Variants in MTUS1 observed in about 807,000 individuals in gnomAD.
MTUS1 encodes the protein microtubule associated scaffold protein 1.
Under a neutral mutation model 120.8 loss-of-function variants are expected in MTUS1, and 109 were observed. That is an observed-to-expected ratio of 0.90 (90% CI 0.77 to 1.06). The LOEUF (loss-of-function observed/expected upper bound fraction) is 1.06, where lower values mean the gene tolerates loss of function less well. MTUS1 is among the 50% of genes least tolerant of loss of function. MTUS1 has a pLI of 0.00. For synonymous variants in MTUS1, 737 were observed against 550.5 expected (o/e 1.34, Z -4.74); for missense variants, 2,210 against 1,486.3 (o/e 1.49, Z -8.01).
At chr8:17,775,797 C>G (rs1404124288) in intron 1 of MTUS1, among the ~76,000 whole-genome samples, 1 of 152,236 alleles carries the variant, frequency 6.6e-6, no homozygotes, top group African/African-American at 2.4e-5. Flanking sequence ...CCTGGTGAGG[C>G]AGCCTGGCCA....
chr8:17,743,842 C>T (rs766016087), intron 2 of MTUS1, 43 bp from the exon 3 acceptor site: 3 of 1,560,462 alleles, frequency 1.9e-6, no homozygotes, highest in Non-Finnish European at 2.6e-6. Flanking sequence ...AACTAAAATT[C>T]TAAGCCCCCC....
intron 1 of MTUS1, among the ~76,000 whole-genome samples, chr8:17,781,681 C>T (rs1586374264): frequency 6.6e-6 from 1 of 152,200 alleles, no homozygotes; most frequent in African/African-American, 2.4e-5. Flanking sequence ...CTGGCTCTCC[C>T]CTGCACTGGC....
rs774492105 is a variant in MTUS1, at chr8:17,743,819, G to A, written c.2092-20C>T. ...AGAGCCCTGTGAAAATAACAGTTAA[G>A]ACTGTAAACCAAAACTAAAATTCTA... On this transcript the variant is annotated intron_variant, in intron 2 of 14. Transcript: ENST00000693296. 8 of 1,604,196 alleles carry A rather than the reference G, an allele frequency of 5.0e-6. No individual in the cohort carries two copies. The highest frequency in any genetic ancestry group is 6.8e-6 in the Non-Finnish European group (8 of 1,173,802).
At position 17,646,154 on chromosome 8, in the gene MTUS1, C is replaced by A; in HGVS notation, c.3600-15G>T. 6.3e-7 allele frequency: 1 copy of A among 1,591,066 alleles called. No individual in the cohort carries two copies. On this transcript the variant is annotated splice_polypyrimidine_tract_variant and intron_variant, in intron 14 of 14. Transcript: ENST00000693296. ...TGGAAAGCTGCCTTGAAGAAAAAGG[C>A]CAGAAACCATGAGATCTATGTAAAA...
At chr8:17,688,252 T>C (rs565323286) in intron 6 of MTUS1, among the ~76,000 whole-genome samples, 43 of 152,334 alleles carry the variant, frequency 2.8e-4, no homozygotes, top group South Asian at 1.4e-3. Flanking sequence ...ATGAGGGCAC[T>C]GCTGTGGTGG....
chr8:17,697,290 C>T, intron 6 of MTUS1: 1 of 1,614,078 alleles, frequency 6.2e-7, no homozygotes, highest in Non-Finnish European at 8.5e-7. Flanking sequence ...CTCCTAAACC[C>T]TGAAGGAAGT....
intron 1 of MTUS1, among the ~76,000 whole-genome samples, chr8:17,776,883 G>C (rs184202273): frequency 2.0e-5 from 3 of 151,990 alleles, no homozygotes; most frequent in Admixed American, 6.6e-5. Flanking sequence ...TACTCCCTGG[G>C]CTCTCTCCTC....
At chr8:17,790,482 G>A (rs1240793363) in intron 1 of MTUS1, among the ~76,000 whole-genome samples, 1 of 152,076 alleles carries the variant, frequency 6.6e-6, no homozygotes, top group East Asian at 1.9e-4. Flanking sequence ...GTTCTATTAG[G>A]ACTTATTGCA....
chr8:17,768,866 C>T (rs1291052669), intron 1 of MTUS1, among the ~76,000 whole-genome samples: 3 of 152,074 alleles, frequency 2.0e-5, no homozygotes, highest in African/African-American at 7.2e-5. Context: ...CATGTTTACA[C>T]CAATAAAGAT....
chr8:17,672,361 T>A (rs1287539440), intron 8 of MTUS1, among the ~76,000 whole-genome samples: 2 of 152,198 alleles, frequency 1.3e-5, no homozygotes, highest in Non-Finnish European at 2.9e-5. Flanking sequence ...TCGCCATTTT[T>A]ACCGAGGATG....
chr8:17,734,341 T>C (rs1246088795), intron 3 of MTUS1: 1 of 152,224 alleles, frequency 6.6e-6, no homozygotes, highest in Non-Finnish European at 1.5e-5. Context: ...GGACTCTGTA[T>C]AACTATCCTC....
At chr8:17,700,511 T>C (rs34869735) in intron 6 of MTUS1, among the ~76,000 whole-genome samples, 80,802 of 141,904 alleles carry the variant, frequency 0.57, 23,503 homozygotes, top group Middle Eastern at 0.66. Flanking sequence ...GAGCCTGTGT[T>C]AGGATGTCAG....
At chr8:17,776,457 G>A (rs1332489672) in intron 1 of MTUS1, among the ~76,000 whole-genome samples, 2 of 151,856 alleles carry the variant, frequency 1.3e-5, no homozygotes, top group Non-Finnish European at 2.9e-5. Context: ...CAAGGTGGGC[G>A]GATCACCTGA....
chr8:17,692,801 A>G (rs2130843609), intron 6 of MTUS1, among the ~76,000 whole-genome samples: 1 of 152,292 alleles, frequency 6.6e-6, no homozygotes. Flanking sequence ...AAACTCTGTG[A>G]CATGAGTTTA....
In MTUS1 at chr8:17,788,015, G is replaced by A. The variant is rs189364950; in HGVS notation, c.-155+13046C>T. On this transcript the variant is annotated intron_variant, in intron 1 of 14. Coordinates refer to ENST00000693296, the MANE Select transcript of MTUS1 (RefSeq NM_001363059.2). ...GGGTGCCTGTAATCCCAGCTACTCC[G>A]GAGGCTGAAGTAGGAGAATGGCTGG... is the stretch of plus-strand genomic sequence containing the variant. Among the ~76,000 whole-genome samples, 172 of 152,264 alleles carry A rather than the reference G, an allele frequency of 1.1e-3. 1 individual carries two copies. The highest frequency in any genetic ancestry group is 1.4e-3 in the Non-Finnish European group (93 of 68,030).
At chr8:17,722,551 G>C (rs568027491) in intron 4 of MTUS1, 8 of 985,388 alleles carry the variant, frequency 8.1e-6, no homozygotes, top group East Asian at 1.1e-4. Flanking sequence ...TGAAGTGCCA[G>C]GGTATGCAGC....
Position 17,796,524 on chromosome 8 carries a change from A to G in MTUS1, c.-155+4537T>C, listed in dbSNP as rs1350061089. The stretch of plus-strand genomic sequence containing the variant: ...TCTTCCTTGATTGTGTAACATTTAT[A>G]TATCAGAGCAATCACAAGTTGCCAA... On this transcript the variant is annotated intron_variant, in intron 1 of 14. Coordinates refer to ENST00000693296, the MANE Select transcript of MTUS1 (RefSeq NM_001363059.2). Among the ~76,000 whole-genome samples, 4 of 152,188 alleles carry G rather than the reference A, an allele frequency of 2.6e-5. No homozygotes were observed. In the East Asian group the frequency reaches 5.8e-4, roughly 22 times the overall value.
intron 3 of MTUS1, among the ~76,000 whole-genome samples, chr8:17,732,180 T>C (rs1350139857): frequency 1.3e-5 from 2 of 152,170 alleles, no homozygotes; most frequent in Non-Finnish European, 2.9e-5. Context: ...CACATGCTGA[T>C]GTGAGATGAG....
intron 1 of MTUS1, among the ~76,000 whole-genome samples, chr8:17,794,826 T>C (rs1242924657): frequency 1.3e-5 from 2 of 152,234 alleles, no homozygotes; most frequent in Non-Finnish European, 2.9e-5. Flanking sequence ...GGGGTAGGTC[T>C]ATGTTTCAAT....
Sources: allele counts gnomAD v4.1 joint callset (sites outside exome capture counted in the v4.1 genomes callset), GRCh38; gene constraint gnomAD v4.1.1; transcripts MANE v1.5; gene names NCBI Gene and HGNC (gene_info 2026-07-23, HGNC 2026-07-21).